The following RPS6KC1 variants were observed in gnomAD, a reference collection of about 807,000 sequenced individuals.
The protein encoded by RPS6KC1 is inactive ribosomal protein S6 kinase delta-1.
Under a neutral mutation model 103.8 loss-of-function variants are expected in RPS6KC1, and 54 were observed. That is an observed-to-expected ratio of 0.52 (90% confidence interval 0.42 to 0.65). RPS6KC1 has a LOEUF of 0.65. Ranked by LOEUF, RPS6KC1 falls within the 30% of genes least tolerant of loss-of-function variation. The pLI is 0.00. For missense variants in RPS6KC1, 1,151 were observed against 1,253.8 expected (o/e 0.92, Z 1.24); for synonymous variants, 439 against 438.7 (o/e 1.00, Z -0.01).
At chr1:213,386,291 A>C in the RPS6KC1 span, among the ~76,000 whole-genome samples, 4 of 152,326 alleles carry the variant, frequency 2.6e-5, 1 homozygote, top group South Asian at 8.3e-4. Flanking sequence ...TCCAGCCAGC[A>C]GAATCATGAG....
At chr1:213,579,021 G>A in the RPS6KC1 span, among the ~76,000 whole-genome samples, 20 of 152,174 alleles carry the variant, frequency 1.3e-4, no homozygotes, top group East Asian at 3.3e-3. Flanking sequence ...CCCATGTGTC[G>A]TGGGAGGGAC....
At chr1:213,583,278 T>C in the RPS6KC1 span, among the ~76,000 whole-genome samples, 1 of 152,220 alleles carries the variant, frequency 6.6e-6, no homozygotes, top group Admixed American at 6.5e-5. Context: ...AATACCTAAA[T>C]GTAGAAGTGC....
chr1:213,164,509 A>G (rs1180551531), intron 6 of RPS6KC1, among the ~76,000 whole-genome samples: 1 of 152,234 alleles, frequency 6.6e-6, no homozygotes, highest in African/African-American at 2.4e-5. Flanking sequence ...GATACACCAG[A>G]ACTTTTTAAC....
chr1:213,403,345 C>T, the RPS6KC1 span, among the ~76,000 whole-genome samples: 6 of 152,068 alleles, frequency 3.9e-5, no homozygotes, highest in African/African-American at 1.5e-4. Context: ...TCCTGGCTCT[C>T]TCCCCGAGGG....
At chr1:213,158,802 A>G (rs2090177106) in intron 6 of RPS6KC1, among the ~76,000 whole-genome samples, 1 of 152,170 alleles carries the variant, frequency 6.6e-6, no homozygotes, top group African/African-American at 2.4e-5. Flanking sequence ...TTTTTAAGGA[A>G]GAGAAGGAAC....
the RPS6KC1 span, among the ~76,000 whole-genome samples, chr1:213,506,186 C>T: frequency 6.6e-6 from 1 of 152,120 alleles, no homozygotes; most frequent in African/African-American, 2.4e-5. Flanking sequence ...GCATTGCTGT[C>T]CTTTCTTCTG....
At chr1:213,811,970 T>C in the RPS6KC1 span, among the ~76,000 whole-genome samples, 4 of 152,210 alleles carry the variant, frequency 2.6e-5, no homozygotes, top group Non-Finnish European at 5.9e-5. Context: ...AACAACTTTG[T>C]AAATTAGATA....
At chr1:213,254,017 C>T (rs1025671504) in intron 12 of RPS6KC1, among the ~76,000 whole-genome samples, 1 of 152,148 alleles carries the variant, frequency 6.6e-6, no homozygotes, top group Non-Finnish European at 1.5e-5. Flanking sequence ...GCTACCAAGA[C>T]AGCATTATTT....
At chr1:213,614,086 T>C in the RPS6KC1 span, among the ~76,000 whole-genome samples, 24 of 152,300 alleles carry the variant, frequency 1.6e-4, no homozygotes, top group African/African-American at 5.8e-4. Flanking sequence ...GTTCACCAAG[T>C]CACAAAGCCA....
the RPS6KC1 span, among the ~76,000 whole-genome samples, chr1:213,414,562 C>A: frequency 2.0e-5 from 3 of 152,106 alleles, no homozygotes; most frequent in South Asian, 4.1e-4. Context: ...GAGAGAGGCA[C>A]GGGGCATATT....
intron 6 of RPS6KC1, among the ~76,000 whole-genome samples, chr1:213,153,216 G>A (rs535787159): frequency 3.3e-5 from 5 of 151,770 alleles, no homozygotes; most frequent in South Asian, 4.2e-4. Flanking sequence ...GAGGGAGACC[G>A]TGGAAAGAGA....
chr1:213,395,078 C>T, the RPS6KC1 span, among the ~76,000 whole-genome samples: 1 of 152,196 alleles, frequency 6.6e-6, no homozygotes, highest in East Asian at 1.9e-4. Context: ...TGCTCTTGCC[C>T]TGGCTGCCAT....
the RPS6KC1 span, among the ~76,000 whole-genome samples, chr1:213,765,304 C>CT: frequency 1.3e-5 from 2 of 152,142 alleles, no homozygotes; most frequent in Non-Finnish European, 2.9e-5. Flanking sequence ...CCTAAGAAGG[C>CT]ATCTCTACTC....
chr1:213,600,248 T>C, the RPS6KC1 span, among the ~76,000 whole-genome samples: 1 of 152,104 alleles, frequency 6.6e-6, no homozygotes, highest in Non-Finnish European at 1.5e-5. Flanking sequence ...AGCTATGTCT[T>C]TATAGCAATC....
chr1:213,380,940 TC>T, the RPS6KC1 span, among the ~76,000 whole-genome samples: 1 of 152,176 alleles, frequency 6.6e-6, no homozygotes, highest in Non-Finnish European at 1.5e-5. Context: ...GAACACCATT[TC>T]CAGCCCCAGC....
intron 6 of RPS6KC1, among the ~76,000 whole-genome samples, chr1:213,152,866 C>T (rs1264984452): frequency 6.6e-6 from 1 of 152,210 alleles, no homozygotes; most frequent in Non-Finnish European, 1.5e-5. Context: ...GCAATGTCGG[C>T]ACTTTGGGAG....
chr1:213,625,703 G>A, the RPS6KC1 span, among the ~76,000 whole-genome samples: 1 of 152,154 alleles, frequency 6.6e-6, no homozygotes. Context: ...CCTTGCGATA[G>A]TTTGCTGAGA....
intron 3 of RPS6KC1, among the ~76,000 whole-genome samples, chr1:213,102,108 A>G (rs1351407482): frequency 6.6e-6 from 1 of 152,210 alleles, no homozygotes; most frequent in Non-Finnish European, 1.5e-5. Context: ...AGAAAAACAA[A>G]TGTGGCATAA....
intron 6 of RPS6KC1, among the ~76,000 whole-genome samples, chr1:213,135,285 T>A (rs2086147442): frequency 1.3e-5 from 2 of 152,098 alleles, no homozygotes; most frequent in South Asian, 4.1e-4. Context: ...CACAGAGATT[T>A]TTATCTTAAG....
Sources: gnomAD v4.1 joint callset for allele counts (sites outside exome capture counted in the v4.1 genomes callset) on GRCh38, gnomAD v4.1.1 for gene constraint, MANE v1.5 for transcripts, NCBI Gene and HGNC (gene_info 2026-07-23, HGNC 2026-07-21) for gene names.